Variants in C5orf34 observed in about 807,000 individuals in gnomAD.
C5orf34 encodes the protein uncharacterized protein C5orf34.
Under a neutral mutation model 78.4 loss-of-function variants are expected in C5orf34, and 73 were observed. That is an observed-to-expected ratio of 0.93 (90% CI 0.77 to 1.13). The LOEUF (loss-of-function observed/expected upper bound fraction) is 1.13. Among genes scored for constraint, C5orf34 ranks in the 50% most tolerant of loss-of-function variants. The probability of loss-of-function intolerance (pLI) is 0.00; values close to 1 mark genes in which losing one functional copy is unlikely to be tolerated. For missense variants in C5orf34, 730 were observed against 732.7 expected (o/e 1.00, Z 0.04); for synonymous variants, 251 against 246.6 (o/e 1.02, Z -0.17).
At chr5:43,510,873 A>G (rs555431931) in intron 1 of C5orf34, among the ~76,000 whole-genome samples, 1 of 152,310 alleles carries the variant, frequency 6.6e-6, no homozygotes, top group South Asian at 2.1e-4. Context: ...CCCATCTGGG[A>G]AGTGAGGAGT....
At chr5:43,492,176 T>C in intron 10 of C5orf34, 39 bp downstream of exon 10, 1 of 1,362,524 alleles carries the variant, frequency 7.3e-7, no homozygotes. Context: ...TAGTTAAAAG[T>C]AAAACATAAA....
chr5:43,496,223 A>G, intron 6 of C5orf34: 1 of 1,573,618 alleles, frequency 6.4e-7, no homozygotes, highest in Non-Finnish European at 8.6e-7. Context: ...TCAAATTTCC[A>G]CAAGGAGATA....
intron 6 of C5orf34, among the ~76,000 whole-genome samples, chr5:43,498,571 C>T (rs1745637927): frequency 1.3e-5 from 2 of 152,150 alleles, no homozygotes; most frequent in South Asian, 4.1e-4. Flanking sequence ...AATAATTTGG[C>T]ATCCCTTTCA....
At chr5:43,510,460 C>T (rs1206072621) in intron 1 of C5orf34, among the ~76,000 whole-genome samples, 1 of 152,132 alleles carries the variant, frequency 6.6e-6, no homozygotes, top group Admixed American at 6.5e-5. Flanking sequence ...CTCCCTCTCC[C>T]TCTCTTTCTA....
intron 12 of C5orf34, 140 bp downstream of exon 12, chr5:43,487,769 A>T (rs921417987): frequency 2.8e-5 from 18 of 646,838 alleles, no homozygotes; most frequent in Non-Finnish European, 4.5e-5. Context: ...TTAAATTACA[A>T]TCTTAGGTAT....
At chr5:43,497,338 C>A in intron 6 of C5orf34, among the ~76,000 whole-genome samples, 1 of 152,202 alleles carries the variant, frequency 6.6e-6, no homozygotes, top group Non-Finnish European at 1.5e-5. Flanking sequence ...GCGCTAGGCA[C>A]TATCCTACTC....
intron 1 of C5orf34, among the ~76,000 whole-genome samples, chr5:43,512,831 G>A (rs1245809228): frequency 2.4e-5 from 3 of 125,974 alleles, no homozygotes; most frequent in African/African-American, 8.8e-5. Context: ...TTGCCAGGCT[G>A]GAGTAGAGTG....
intron 12 of C5orf34, 67 bp from the exon 13 acceptor site, chr5:43,487,178 A>C (rs1358924546): frequency 2.8e-6 from 2 of 709,950 alleles, no homozygotes; most frequent in Non-Finnish European, 4.3e-6. Context: ...ATATACAGAA[A>C]GCATAGGCTT....
chr5:43,490,547 A>G, intron 11 of C5orf34, 84 bp downstream of exon 11: 1 of 852,690 alleles, frequency 1.2e-6, no homozygotes. Context: ...TTTGGGGAAA[A>G]AAGTCTCAGT....
intron 4 of C5orf34, among the ~76,000 whole-genome samples, chr5:43,504,685 A>G (rs959025817): frequency 6.6e-5 from 10 of 152,214 alleles, no homozygotes; most frequent in Non-Finnish European, 1.3e-4. Flanking sequence ...CAAGGGCAAG[A>G]GTAGTGAGAG....
chr5:43,510,471 C>T (rs1386860996), intron 1 of C5orf34, among the ~76,000 whole-genome samples: 9 of 152,196 alleles, frequency 5.9e-5, no homozygotes, highest in African/African-American at 1.2e-4. Context: ...TCTCTTTCTA[C>T]GGTCTCCCTC....
At chr5:43,493,467 G>C in intron 8 of C5orf34, 76 bp downstream of exon 8, 1 of 884,116 alleles carries the variant, frequency 1.1e-6, no homozygotes, top group Non-Finnish European at 1.8e-6. Context: ...GAGGAAAACT[G>C]TTTGAACTCA....
At chr5:43,495,316 G>T (rs552645743) in intron 6 of C5orf34, 1 of 1,611,450 alleles carries the variant, frequency 6.2e-7, no homozygotes. Flanking sequence ...TACCAGAACC[G>T]CGATCAATCT....
At position 43,509,231 on chromosome 5, in the gene C5orf34, C is replaced by G; in HGVS notation, c.109G>C (p.Glu37Gln). The G allele has an allele frequency of 2.5e-6, 4 of 1,614,062 alleles. No homozygotes were observed. Among genetic ancestry groups the G allele is most frequent in the Non-Finnish European group, 3.4e-6 (4 of 1,179,964 alleles). Residue 37 changes from glutamate (E) to glutamine (Q), a missense_variant, in exon 2 of 13, where the codon GAA becomes CAA. Physicochemically the swap from Glu to Gln is conservative, Grantham distance 29. Transcript: ENST00000306862. ...TGTGCTGAAACAGGTGGTGACTTTTCAAATAAAAATTCAGAGCCACAGGGA... is the reference window on the plus strand; with the variant it reads ...TGTGCTGAAACAGGTGGTGACTTTTGAAATAAAAATTCAGAGCCACAGGGA... ...LSPCGSEFLF[E>Q]KSPPVSAHPL...
intron 8 of C5orf34, among the ~76,000 whole-genome samples, chr5:43,493,261 C>T (rs1379991485): frequency 3.3e-5 from 5 of 151,542 alleles, no homozygotes; most frequent in Non-Finnish European, 5.9e-5. Flanking sequence ...ACTATAATAT[C>T]ATGGTTTATA....
At chr5:43,511,472 C>T (rs760483441) in intron 1 of C5orf34, among the ~76,000 whole-genome samples, 6 of 151,704 alleles carry the variant, frequency 4.0e-5, no homozygotes, top group East Asian at 1.9e-4. Context: ...TCTGCCTGGC[C>T]GCCCCTTCTG....
At chr5:43,488,453 A>AT (rs1745146613) in intron 11 of C5orf34, 1 of 152,594 alleles carries the variant, frequency 6.6e-6, no homozygotes, top group African/African-American at 2.4e-5. Flanking sequence ...AGAAGAAAGG[A>AT]TTTTTTACTT....
intron 6 of C5orf34, chr5:43,495,215 G>A: frequency 6.2e-7 from 1 of 1,610,522 alleles, no homozygotes. Context: ...TGGATAGTCT[G>A]AGAAGCTCTC....
intron 6 of C5orf34, chr5:43,495,166 T>A (rs1579860535): frequency 6.2e-7 from 1 of 1,610,016 alleles, no homozygotes; most frequent in African/African-American, 1.3e-5. Flanking sequence ...CCACCGCAAC[T>A]GTCTGTCTCA....
Sources: gnomAD v4.1 joint callset for allele counts (sites outside exome capture counted in the v4.1 genomes callset) on GRCh38, gnomAD v4.1.1 for gene constraint, MANE v1.5 for transcripts, NCBI Gene and HGNC (gene_info 2026-07-23, HGNC 2026-07-21) for gene names.